The following FSTL4 variants were observed in gnomAD, a reference collection of about 807,000 sequenced individuals.
FSTL4 encodes follistatin-related protein 4.
A neutral mutation model predicts 78.2 loss-of-function variants in FSTL4; 28 were observed. That is an observed-to-expected ratio of 0.36 (90% CI 0.27 to 0.49). FSTL4 has a LOEUF of 0.49. Ranked by LOEUF, FSTL4 falls within the 20% of genes least tolerant of loss-of-function variation. The pLI is 0.98. For synonymous variants in FSTL4, 422 were observed against 440.5 expected (o/e 0.96, Z 0.53); for missense variants, 922 against 1,084.9 (o/e 0.85, Z 2.11).
intron 4 of FSTL4, among the ~76,000 whole-genome samples, chr5:133,393,737 C>A (rs2126963868): frequency 6.6e-6 from 1 of 152,334 alleles, no homozygotes; most frequent in South Asian, 2.1e-4. Context: ...CTGGGTATCC[C>A]TCAGTTTCCT....
At chr5:133,663,748 C>T in the FSTL4 span, among the ~76,000 whole-genome samples, 1 of 152,234 alleles carries the variant, frequency 6.6e-6, no homozygotes, top group African/African-American at 2.4e-5. Context: ...CCCATGGGCT[C>T]TGGGCTGGTG....
chr5:133,763,822 G>A, the FSTL4 span, among the ~76,000 whole-genome samples: 4 of 152,192 alleles, frequency 2.6e-5, no homozygotes, highest in African/African-American at 9.7e-5. Context: ...AAGACCCCAG[G>A]CCCCTGACCC....
At position 133,532,425 on chromosome 5, in the gene FSTL4, T is replaced by C. The variant is rs561304700; in HGVS notation, c.160+34761A>G. Reference sequence around the variant, plus strand: ...TGTTCAATATCATCTCCAGATCTGATTGGGAATAGAAACAGCTTCCTTTTT... The same window carrying C: ...TGTTCAATATCATCTCCAGATCTGACTGGGAATAGAAACAGCTTCCTTTTT... On this transcript the variant is annotated intron_variant, in intron 3 of 15. Transcript: ENST00000265342. Among the ~76,000 whole-genome samples the C allele has an allele frequency of 1.5e-4, 23 of 152,332 alleles. No homozygotes were observed. The East Asian group carries it at 4.2e-3, about 28-fold the overall frequency.
intron 1 of FSTL4, among the ~76,000 whole-genome samples, chr5:133,610,986 G>A (rs1271638815): frequency 3.3e-5 from 5 of 152,102 alleles, no homozygotes; most frequent in Non-Finnish European, 7.4e-5. Flanking sequence ...TATCTCGGGG[G>A]CCCCATCTAG....
At chr5:133,474,848 A>T (rs1404701927) in intron 3 of FSTL4, among the ~76,000 whole-genome samples, 2 of 152,212 alleles carry the variant, frequency 1.3e-5, no homozygotes, top group Non-Finnish European at 2.9e-5. Flanking sequence ...GTATCTCATG[A>T]ACGAGGCCCG....
At chr5:133,224,531 T>C in intron 10 of FSTL4, 1 of 254,676 alleles carries the variant, frequency 3.9e-6, no homozygotes, top group Non-Finnish European at 7.4e-6. Flanking sequence ...CTCTCCCAGA[T>C]TTCCTGGACA....
chr5:133,770,333 C>T, the FSTL4 span, among the ~76,000 whole-genome samples: 3 of 152,142 alleles, frequency 2.0e-5, no homozygotes, highest in African/African-American at 7.2e-5. Context: ...TACTAATTTA[C>T]ATTCCCACCA....
chr5:133,391,055 T>A (rs574523210), intron 4 of FSTL4, among the ~76,000 whole-genome samples: 52 of 152,294 alleles, frequency 3.4e-4, no homozygotes, highest in African/African-American at 1.2e-3. Context: ...GAAAAGAGCA[T>A]GAAAGTCCTG....
intron 2 of FSTL4, among the ~76,000 whole-genome samples, chr5:133,577,976 A>G (rs115430333): frequency 0.013 from 2,053 of 152,306 alleles, 40 homozygotes; most frequent in African/African-American, 0.047. Context: ...ACAGCAAGCA[A>G]GCTCGATGTC....
chr5:133,539,203 C>G (rs191616284), intron 3 of FSTL4, among the ~76,000 whole-genome samples: 1 of 151,658 alleles, frequency 6.6e-6, no homozygotes, highest in East Asian at 1.9e-4. Context: ...TAAGGATATG[C>G]GTGATGAGAG....
the FSTL4 span, among the ~76,000 whole-genome samples, chr5:133,677,282 C>T: frequency 8.5e-3 from 1,293 of 152,252 alleles, 19 homozygotes; most frequent in African/African-American, 0.028. Context: ...CTAGAGGGCC[C>T]GAGTCCTGGG....
At chr5:133,625,921 C>CAT in the FSTL4 span, among the ~76,000 whole-genome samples, 2 of 2,174 alleles carry the variant, frequency 9.2e-4, 1 homozygote, top group African/African-American at 4.5e-3. Flanking sequence ...ATATATATTC[C>CAT]ATATATATAT....
chr5:133,794,059 T>C, the FSTL4 span, among the ~76,000 whole-genome samples: 1 of 152,194 alleles, frequency 6.6e-6, no homozygotes, highest in East Asian at 1.9e-4. Flanking sequence ...TGCCCTTTCC[T>C]GGGAGATGGG....
At chr5:133,487,408 C>T (rs1200080047) in intron 3 of FSTL4, among the ~76,000 whole-genome samples, 1 of 152,200 alleles carries the variant, frequency 6.6e-6, no homozygotes, top group Admixed American at 6.5e-5. Flanking sequence ...GCATGAGCCA[C>T]TCTGAGGTTC....
chr5:133,275,939 C>T (rs2126853332), intron 6 of FSTL4: 1 of 152,342 alleles, frequency 6.6e-6, no homozygotes, highest in South Asian at 2.1e-4. Flanking sequence ...AACAATAACA[C>T]TTTGTCCCAT....
chr5:133,796,019 C>G, the FSTL4 span, among the ~76,000 whole-genome samples: 1 of 152,342 alleles, frequency 6.6e-6, no homozygotes, highest in East Asian at 1.9e-4. Context: ...CTCCCCTGGT[C>G]ACTAGTCCTT....
intron 5 of FSTL4, among the ~76,000 whole-genome samples, chr5:133,315,387 A>G (rs1227202168): frequency 1.3e-5 from 2 of 151,792 alleles, no homozygotes; most frequent in African/African-American, 2.4e-5. Context: ...ATAACAACGA[A>G]CTCTTCTGTG....
At chr5:133,625,163 CCT>C in the FSTL4 span, among the ~76,000 whole-genome samples, 1 of 151,574 alleles carries the variant, frequency 6.6e-6, no homozygotes, top group Non-Finnish European at 1.5e-5. Flanking sequence ...ATTCCTTCCT[CCT>C]CTGTTTTCTG....
chr5:133,688,818 C>T, the FSTL4 span, among the ~76,000 whole-genome samples: 9 of 152,308 alleles, frequency 5.9e-5, 1 homozygote, highest in Middle Eastern at 0.01. Context: ...CTGACTGTCC[C>T]GGACTTTCTG....
Sources: allele counts gnomAD v4.1 joint callset (sites outside exome capture counted in the v4.1 genomes callset), GRCh38; gene constraint gnomAD v4.1.1; transcripts MANE v1.5; gene names NCBI Gene and HGNC (gene_info 2026-07-23, HGNC 2026-07-21).